Variants in PCDHGA8 observed in about 807,000 individuals in gnomAD.
PCDHGA8 encodes the protein protocadherin gamma subfamily A, 8.
In PCDHGA8, 45 loss-of-function variants were observed where a neutral mutation model predicts 59.2. The observed-to-expected ratio is 0.76, with a 90% CI of 0.60 to 0.98. The LOEUF is 0.98. Ranked by LOEUF, PCDHGA8 falls within the 50% of genes least tolerant of loss-of-function variation. PCDHGA8 has a pLI of 0.00. For missense variants in PCDHGA8, 1,257 were observed against 1,196.2 expected (o/e 1.05, Z -0.75); for synonymous variants, 531 against 519.0 (o/e 1.02, Z -0.32).
In PCDHGA8 at chr5:141,428,081, C is replaced by A. The variant is rs768842388; in HGVS notation, c.2424+32844C>A. 14 of 1,609,100 alleles carry A rather than the reference C, an allele frequency of 8.7e-6. No individual in the cohort carries two copies. In the African/African-American group the frequency reaches 1.1e-4, roughly 12 times the overall value. ...CGGTGGACGCAGATTCGGGACACAA[C>A]GCTTGGCTGTCCTACCACGTGCTGC... is the stretch of plus-strand genomic sequence containing the variant. On this transcript the variant is annotated intron_variant, in intron 1 of 3. Transcript: ENST00000398604.
chr5:141,491,954 C>CA lies in PCDHGA8; in HGVS notation c.2425-2847dup. 1 of 1,032,920 alleles carries CA rather than the reference C, an allele frequency of 9.7e-7. No homozygotes were observed. Among genetic ancestry groups the CA allele is most frequent in the Non-Finnish European group, 1.3e-6 (1 of 747,262 alleles). 64.0% of individuals were successfully genotyped at this position (1,032,920 alleles called of 1,614,324 possible). A position where few individuals can be genotyped will look rare whatever the true frequency, so the allele number is the denominator to read the frequency against. ...TGGGACCGACCCCCACCCCTACACTCAAAAAAGGCCGGGGCCTCCTTCGAG... is the reference window on the plus strand; with the variant it reads ...TGGGACCGACCCCCACCCCTACACTCAAAAAAAGGCCGGGGCCTCCTTCGAG... On this transcript the variant is annotated intron_variant, in intron 1 of 3. Coordinates refer to ENST00000398604, the MANE Select transcript of PCDHGA8 (RefSeq NM_032088.2). This position sits in a 1 kb window ranked among gnomAD's most constrained non-coding sequence, Gnocchi z 6.9.
At position 141,481,468 on chromosome 5, in the gene PCDHGA8, G is replaced by A. The variant is rs575259839; in HGVS notation, c.2425-13339G>A. Among the ~76,000 whole-genome samples the A allele has an allele frequency of 2.6e-5, 4 of 152,332 alleles. No homozygotes were observed. In the South Asian group the frequency reaches 8.3e-4, roughly 32 times the overall value. On this transcript the variant is annotated intron_variant, in intron 1 of 3. Transcript: ENST00000398604. Reference sequence around the variant, plus strand: ...CATGTAAATACACTGAAAACCATTGGATTATACACTTTAAATATGTGATTT... The same window carrying A: ...CATGTAAATACACTGAAAACCATTGAATTATACACTTTAAATATGTGATTT...
rs1307889557 is a variant in PCDHGA8, at chr5:141,486,267, C to G, written c.2425-8540C>G. On this transcript the variant is annotated intron_variant, in intron 1 of 3. Transcript: ENST00000398604. The surrounding 1 kb of genome is among the most constrained non-coding windows in gnomAD (Gnocchi z 5.0). ...GGAACCCTCCCCGAGAGTGCAGAAC[C>G]TGGCACTGTGGTGGCACTTATCAGT... 1 of 1,614,128 alleles carries G rather than the reference C, an allele frequency of 6.2e-7. No homozygotes were observed. Among genetic ancestry groups the G allele is most frequent in the South Asian group, 1.1e-5 (1 of 91,072 alleles).
At position 141,477,039 on chromosome 5, in the gene PCDHGA8, G is replaced by C. The variant is rs1313580652; in HGVS notation, c.2425-17768G>C. Reference sequence around the variant, plus strand: ...GTAACCGGGATGCTGACAATCAAGGGTCGGCTGGACTTCGAGGACACCAAA... The same window carrying C: ...GTAACCGGGATGCTGACAATCAAGGCTCGGCTGGACTTCGAGGACACCAAA... On this transcript the variant is annotated intron_variant, in intron 1 of 3. Coordinates refer to ENST00000398604, the MANE Select transcript of PCDHGA8 (RefSeq NM_032088.2). This position sits in a 1 kb window ranked among gnomAD's most constrained non-coding sequence, Gnocchi z 4.9. 1 of 1,614,144 alleles carries C rather than the reference G, an allele frequency of 6.2e-7. No individual in the cohort carries two copies. The highest frequency in any genetic ancestry group is 8.5e-7 in the Non-Finnish European group (1 of 1,180,056).
Position 141,409,803 on chromosome 5 carries a change from C to G in PCDHGA8, c.2424+14566C>G, listed in dbSNP as rs779815582. The G allele has an allele frequency of 1.4e-5, 23 of 1,611,528 alleles. No homozygotes were observed. The highest frequency in any genetic ancestry group is 7.7e-5 in the South Asian group (7 of 90,886). ...CGCGCCTTCGCGCTCACGCTGCAGG[C>G]CCGCGACCACGGCTCGCCCACGCTC... On this transcript the variant is annotated intron_variant, in intron 1 of 3. Coordinates refer to ENST00000398604, the MANE Select transcript of PCDHGA8 (RefSeq NM_032088.2).
rs2154594699 is a variant in PCDHGA8 at position 141,512,507 on chromosome 5, C to T, written c.*1334C>T. 6.5e-6 allele frequency: 1 copy of T among 153,048 alleles called. No individual in the cohort carries two copies. Among genetic ancestry groups the T allele is most frequent in the South Asian group, 2.1e-4 (1 of 4,836 alleles). 9.5% of individuals were successfully genotyped at this position (153,048 alleles called of 1,614,324 possible). ...CACTGCCCAGGTCCCCAGTGCGCCCCCTAGTGGCCATAGCCTGGTTAAAGT... is the reference window on the plus strand; with the variant it reads ...CACTGCCCAGGTCCCCAGTGCGCCCTCTAGTGGCCATAGCCTGGTTAAAGT... On this transcript the variant is annotated 3_prime_UTR_variant, in exon 4 of 4. Transcript: ENST00000398604.
At chr5:141,410,767 G>T in intron 1 of PCDHGA8, 6 of 942,270 alleles carry the variant, frequency 6.4e-6, no homozygotes, top group South Asian at 2.2e-5. Context: ...TTCAATTATA[G>T]TTTTCACTAT....
chr5:141,404,081 G>A (rs1436868245), intron 1 of PCDHGA8: 10 of 1,613,302 alleles, frequency 6.2e-6, no homozygotes, highest in South Asian at 2.2e-5. Context: ...CCGAGACTCC[G>A]GGAAGAATGG....
In PCDHGA8 at chr5:141,485,624, C is replaced by T; in HGVS notation, c.2425-9183C>T. 1 of 1,611,640 alleles carries T rather than the reference C, an allele frequency of 6.2e-7. No homozygotes were observed. The highest frequency in any genetic ancestry group is 1.1e-5 in the South Asian group (1 of 90,868). The stretch of plus-strand genomic sequence containing the variant: ...TGGGGAGGCAGCTCCTCCAGGACAG[C>T]GTTTCCCGTTGGAAAAGGCTCAGGA... On this transcript the variant is annotated intron_variant, in intron 1 of 3. Transcript: ENST00000398604. This position sits in a 1 kb window ranked among gnomAD's most constrained non-coding sequence, Gnocchi z 5.7.
Position 141,431,877 on chromosome 5 carries a change from A to G in PCDHGA8, c.2424+36640A>G. On this transcript the variant is annotated intron_variant, in intron 1 of 3. Coordinates refer to ENST00000398604, the MANE Select transcript of PCDHGA8 (RefSeq NM_032088.2). The surrounding 1 kb of genome is among the most constrained non-coding windows in gnomAD (Gnocchi z 4.8). ...TTAATTGCCCTTTTAAATGTAAATG[A>G]CCAAGATTCTGAGGAAAACGGACAG... is the stretch of plus-strand genomic sequence containing the variant. 8 of 1,614,230 alleles carry G rather than the reference A, an allele frequency of 5.0e-6. No individual in the cohort carries two copies. Among genetic ancestry groups the G allele is most frequent in the Non-Finnish European group, 6.8e-6 (8 of 1,180,016 alleles).
chr5:141,413,835 CG>C, intron 1 of PCDHGA8: 2 of 1,613,258 alleles, frequency 1.2e-6, no homozygotes, highest in South Asian at 1.1e-5. Context: ...CCGCCTCCGA[CG>C]GGGGTGACCC....
intron 1 of PCDHGA8, among the ~76,000 whole-genome samples, chr5:141,455,803 A>C (rs1197986124): frequency 2.6e-5 from 4 of 152,068 alleles, no homozygotes; most frequent in Non-Finnish European, 4.4e-5. Flanking sequence ...TGCTTTAAAA[A>C]ATGAAAACTT....
Position 141,409,958 on chromosome 5 carries a change from T to C in PCDHGA8, c.2424+14721T>C. ...GGTACCTCGCTCTGCAGAGCCCGGC[T>C]ACCTAGTGACTAAGGTGGTAGCGGT... On this transcript the variant is annotated intron_variant, in intron 1 of 3. Transcript: ENST00000398604. 6.2e-7 allele frequency: 1 copy of C among 1,613,394 alleles called. No individual in the cohort carries two copies.
intron 1 of PCDHGA8, chr5:141,413,154 A>G: frequency 6.3e-7 from 1 of 1,576,026 alleles, no homozygotes; most frequent in Middle Eastern, 1.7e-4. Context: ...AGGACTTTGC[A>G]GAATTCTGTA....
intron 2 of PCDHGA8, among the ~76,000 whole-genome samples, chr5:141,503,638 T>C (rs1467962880): frequency 1.3e-5 from 2 of 151,908 alleles, no homozygotes; most frequent in Non-Finnish European, 2.9e-5. Flanking sequence ...AAATAATTAT[T>C]GAATCAATGG....
At chr5:141,424,698 T>G (rs1214214315) in intron 1 of PCDHGA8, 1 of 152,228 alleles carries the variant, frequency 6.6e-6, no homozygotes, top group Non-Finnish European at 1.5e-5. Context: ...GCTATTTTTT[T>G]GTTCATTTTC....
At position 141,477,492 on chromosome 5, in the gene PCDHGA8, A is replaced by T; in HGVS notation, c.2425-17315A>T. ...AATGACAACCCTCCACAATCTTCTC[A>T]ATCTTCCTACGACGTTTACATTGAA... On this transcript the variant is annotated intron_variant, in intron 1 of 3. Coordinates refer to ENST00000398604, the MANE Select transcript of PCDHGA8 (RefSeq NM_032088.2). The surrounding 1 kb of genome is among the most constrained non-coding windows in gnomAD (Gnocchi z 4.9). The T allele has an allele frequency of 6.2e-7, 1 of 1,613,980 alleles. No individual in the cohort carries two copies. The highest frequency in any genetic ancestry group is 8.5e-7 in the Non-Finnish European group (1 of 1,179,958).
chr5:141,441,800 G>T, intron 1 of PCDHGA8: 1 of 382,594 alleles, frequency 2.6e-6, no homozygotes, highest in Non-Finnish European at 5.2e-6. Flanking sequence ...ACGCACCGCG[G>T]GTGCTGTACC....
Position 141,494,808 on chromosome 5 carries a change from A to G in PCDHGA8, c.2426A>G (p.Gln809Arg). The G allele has an allele frequency of 1.9e-6, 3 of 1,614,014 alleles. No individual in the cohort carries two copies. Among genetic ancestry groups the G allele is most frequent in the Non-Finnish European group, 2.5e-6 (3 of 1,179,982 alleles). The change falls in exon 2 of 4, where the codon CAA becomes CGA. Residue 809 changes from glutamine to arginine, a missense_variant and splice_region_variant. Gln to Arg is a conservative substitution (Grantham distance 43, BLOSUM62 1). Coordinates refer to ENST00000398604, the MANE Select transcript of PCDHGA8 (RefSeq NM_032088.2). ...CCTTTCCCTCTGTTTTCTCCACAGC[A>G]AGCCCCGCCCAACACGGACTGGCGT... ...EYKNEADHGQ[Q>R]APPNTDWRFS...
Sources: allele counts gnomAD v4.1 joint callset (sites outside exome capture counted in the v4.1 genomes callset), GRCh38; gene constraint gnomAD v4.1.1; non-coding constraint Gnocchi (gnomAD v3.1); transcripts MANE v1.5; gene names NCBI Gene and HGNC (gene_info 2026-07-23, HGNC 2026-07-21).